TRERF1: variants seen among roughly 807,000 people sequenced by gnomAD.
The protein encoded by TRERF1 is transcriptional-regulating factor 1.
A neutral mutation model predicts 122.9 loss-of-function variants in TRERF1; 27 were observed. The ratio of observed to expected loss-of-function variants is 0.22; its 90% CI spans 0.16 to 0.30. TRERF1 has a LOEUF of 0.30. Ranked by LOEUF, TRERF1 falls within the 10% of genes least tolerant of loss-of-function variation. The pLI, the probability that TRERF1 is intolerant of heterozygous loss-of-function variation, is 1.00. For synonymous variants in TRERF1, 636 were observed against 641.7 expected (o/e 0.99, Z 0.13); for missense variants, 1,248 against 1,560.3 (o/e 0.80, Z 3.37).
chr6:42,316,163 G>T (rs1230441805), intron 3 of TRERF1, among the ~76,000 whole-genome samples: 1 of 152,110 alleles, frequency 6.6e-6, no homozygotes, highest in East Asian at 1.9e-4. Context: ...ATGGGTCTGG[G>T]GAAGTGGCTG....
At chr6:42,267,406 G>A (rs1779403286) in intron 5 of TRERF1, among the ~76,000 whole-genome samples, 1 of 152,132 alleles carries the variant, frequency 6.6e-6, no homozygotes, top group Non-Finnish European at 1.5e-5. Context: ...TAAGGCAGGC[G>A]CATCATGAGG....
intron 3 of TRERF1, among the ~76,000 whole-genome samples, chr6:42,352,774 C>T (rs577551662): frequency 2.2e-4 from 33 of 151,990 alleles, no homozygotes; most frequent in African/African-American, 4.1e-4. Flanking sequence ...AAATATGAAA[C>T]GTAAATGATA....
Position 42,228,613 on chromosome 6 carries a change from T to C in TRERF1, c.3335A>G (p.Glu1112Gly). The C allele has an allele frequency of 6.2e-7, 1 of 1,613,860 alleles. No homozygotes were observed. The highest frequency in any genetic ancestry group is 1.3e-5 in the African/African-American group (1 of 75,032). Residue 1112 changes from glutamate (E) to glycine (G), a missense_variant, in exon 18 of 18, where the codon GAG becomes GGG. Physicochemically the swap from Glu to Gly is moderately conservative, Grantham distance 98. Around this residue, in one of 5 missense-constraint regions of TRERF1, gnomAD observed 84 missense variants for 116.0 expected, o/e 0.72. Coordinates refer to ENST00000372922, the Ensembl canonical transcript of TRERF1. This position sits in a 1 kb window ranked among gnomAD's most constrained non-coding sequence, Gnocchi z 4.2. ...CTGAGCCTTTTGCCTCTGTTGTTCC[T>C]CCTGCTGCCTGTGAGTTTTCATGTG...
chr6:42,358,124 A>G (rs79018039), intron 3 of TRERF1, among the ~76,000 whole-genome samples: 4,052 of 152,322 alleles, frequency 0.027, 193 homozygotes, highest in African/African-American at 0.093. Context: ...TCCCACCTAC[A>G]GAGGCATACC....
At chr6:42,370,505 G>C (rs1448760850) in intron 2 of TRERF1, among the ~76,000 whole-genome samples, 1 of 152,188 alleles carries the variant, frequency 6.6e-6, no homozygotes, top group Non-Finnish European at 1.5e-5. Context: ...AATCACTTGA[G>C]TGCCTGGGCA....
Position 42,240,585 on chromosome 6 carries a change from C to T in TRERF1, c.2859+2663G>A, listed in dbSNP as rs148662128. On this transcript the variant is annotated intron_variant, in intron 15 of 17. Transcript: ENST00000372922. ...TGACCTGGGGCAAGCCCCTTCCTCT[C>T]TCTGGGTCTCAACTTTCTTCCTGTA... Among the ~76,000 whole-genome samples the T allele has an allele frequency of 4.0e-3, 602 of 152,368 alleles. 3 individuals carry two copies. Among genetic ancestry groups the T allele is most frequent in the African/African-American group, 0.013 (560 of 41,596 alleles).
chr6:42,443,101 T>C (rs944833883), intron 2 of TRERF1, among the ~76,000 whole-genome samples: 8 of 152,224 alleles, frequency 5.3e-5, no homozygotes, highest in Non-Finnish European at 1.0e-4. Context: ...GATTTCTTCC[T>C]TCTCTCTATG....
chr6:42,401,954 A>C (rs1453552287), intron 2 of TRERF1, among the ~76,000 whole-genome samples: 14 of 152,250 alleles, frequency 9.2e-5, no homozygotes, highest in Non-Finnish European at 2.1e-4. Context: ...CATTCCTCTC[A>C]GCAGCCGATA....
At chr6:42,443,069 CCTCT>C (rs911301759) in intron 2 of TRERF1, among the ~76,000 whole-genome samples, 1 of 152,204 alleles carries the variant, frequency 6.6e-6, no homozygotes, top group African/African-American at 2.4e-5. Context: ...GCCTCCATTT[CCTCT>C]CTCTCTGATT....
At chr6:42,335,756 C>T (rs1766043136) in intron 3 of TRERF1, among the ~76,000 whole-genome samples, 1 of 152,236 alleles carries the variant, frequency 6.6e-6, no homozygotes, top group Non-Finnish European at 1.5e-5. Context: ...ATCCCTTCCT[C>T]AGGGGCACAT....
At chr6:42,327,650 A>G (rs1185762233) in intron 3 of TRERF1, among the ~76,000 whole-genome samples, 1 of 152,236 alleles carries the variant, frequency 6.6e-6, no homozygotes, top group Non-Finnish European at 1.5e-5. Context: ...GCATTCACAC[A>G]CGAAAAGCTT....
At chr6:42,352,428 A>T (rs886516872) in intron 3 of TRERF1, among the ~76,000 whole-genome samples, 1 of 152,254 alleles carries the variant, frequency 6.6e-6, no homozygotes, top group Non-Finnish European at 1.5e-5. Flanking sequence ...GTATATTTTT[A>T]AAATGTATTT....
At chr6:42,443,326 A>C (rs1786869252) in intron 2 of TRERF1, among the ~76,000 whole-genome samples, 1 of 152,252 alleles carries the variant, frequency 6.6e-6, no homozygotes, top group Admixed American at 6.5e-5. Flanking sequence ...AAATAAATAA[A>C]TAAAGCTTCA....
At chr6:42,234,053 T>C (rs965390793) in intron 16 of TRERF1, among the ~76,000 whole-genome samples, 3 of 152,164 alleles carry the variant, frequency 2.0e-5, no homozygotes, top group African/African-American at 7.2e-5. Context: ...CTCTGTTGTA[T>C]AGGATGTTTA....
At chr6:42,292,932 C>T (rs751864068) in intron 4 of TRERF1, among the ~76,000 whole-genome samples, 12 of 152,200 alleles carry the variant, frequency 7.9e-5, no homozygotes, top group Non-Finnish European at 1.3e-4. Flanking sequence ...CTCTCCAATT[C>T]CAGAAAATTG....
At chr6:42,290,036 T>C (rs1268247636) in intron 4 of TRERF1, among the ~76,000 whole-genome samples, 1 of 152,178 alleles carries the variant, frequency 6.6e-6, no homozygotes, top group Non-Finnish European at 1.5e-5. Flanking sequence ...CCGTGGCAGC[T>C]GGACCGAGGT....
intron 2 of TRERF1, among the ~76,000 whole-genome samples, chr6:42,444,737 T>C (rs999379781): frequency 1.3e-5 from 2 of 152,046 alleles, no homozygotes; most frequent in African/African-American, 4.8e-5. Context: ...ATCTTTCCCA[T>C]CAGCACACAA....
Position 42,374,151 on chromosome 6 carries a change from AAGAAG to A in TRERF1, c.-453-11077_-453-11073del, listed in dbSNP as rs1255722973. Reference sequence around the variant, plus strand: ...TGTCTTTTTTTTAAAAAAAAAAAAAAAGAAGAAGAAGAAGAAGAAGAAGAAGAAGG... The same window carrying A: ...TGTCTTTTTTTTAAAAAAAAAAAAAAAAGAAGAAGAAGAAGAAGAAGAAGG... On this transcript the variant is annotated intron_variant, in intron 2 of 17. Coordinates refer to ENST00000372922, the Ensembl canonical transcript of TRERF1. Among the ~76,000 whole-genome samples the A allele has an allele frequency of 2.1e-3, 189 of 90,342 alleles. 1 individual carries two copies. Among genetic ancestry groups the A allele is most frequent in the African/African-American group, 6.8e-3 (181 of 26,434 alleles). The allele number at this position is 90,342 out of a possible 152,430, so 59.3% of individuals were successfully genotyped here. A position where few individuals can be genotyped will look rare whatever the true frequency, so the allele number is the denominator to read the frequency against.
chr6:42,323,275 T>C (rs574351740), intron 3 of TRERF1, among the ~76,000 whole-genome samples: 1 of 150,172 alleles, frequency 6.7e-6, no homozygotes, highest in South Asian at 2.1e-4. Flanking sequence ...CTCGGCTCAC[T>C]GCAACCTCTG....
Sources: gnomAD v4.1 joint callset for allele counts (sites outside exome capture counted in the v4.1 genomes callset) on GRCh38, gnomAD v4.1.1 for gene constraint, gnomAD v4.1.1 regional missense constraint, Gnocchi (gnomAD v3.1) non-coding constraint, MANE v1.5 for transcripts, NCBI Gene and HGNC (gene_info 2026-07-23, HGNC 2026-07-21) for gene names.